TRIM69: variants seen among roughly 807,000 people sequenced by gnomAD.
The protein encoded by TRIM69 is tripartite motif containing 69.
TRIM69 carries 29 observed loss-of-function variants against 37.7 expected under a neutral mutation model. That is an observed-to-expected ratio of 0.77 (90% CI 0.57 to 1.05). TRIM69 has a LOEUF of 1.05. Ranked by LOEUF, TRIM69 falls within the 50% of genes least tolerant of loss-of-function variation. The pLI, the probability that TRIM69 is intolerant of heterozygous loss-of-function variation, is 0.00. For missense variants in TRIM69, 596 were observed against 579.9 expected, an observed-to-expected ratio of 1.03 and a Z score of -0.28; for synonymous variants, 209 against 212.4, an observed-to-expected ratio of 0.98 and a Z score of 0.14.
intron 1 of TRIM69, among the ~76,000 whole-genome samples, chr15:44,744,430 C>T (rs1373258911): frequency 6.6e-6 from 1 of 151,444 alleles, no homozygotes; most frequent in Non-Finnish European, 1.5e-5. Context: ...ACATTGTGCA[C>T]ATGTACCCTA....
intron 1 of TRIM69, 74 bp from the exon 2 acceptor site, chr15:44,754,826 A>C: frequency 4.0e-5 from 43 of 1,075,210 alleles, no homozygotes; most frequent in Non-Finnish European, 5.8e-5. Flanking sequence ...TCCTTTAGGA[A>C]TGGCGCCATC....
chr15:44,762,085 C>G (rs1433621613), intron 6 of TRIM69, among the ~76,000 whole-genome samples: 1 of 152,108 alleles, frequency 6.6e-6, no homozygotes, highest in Non-Finnish European at 1.5e-5. Context: ...CCTGCCTCAG[C>G]CTCCCAAATA....
chr15:44,751,467 G>A (rs992069343), intron 1 of TRIM69, among the ~76,000 whole-genome samples: 1 of 151,936 alleles, frequency 6.6e-6, no homozygotes, highest in African/African-American at 2.4e-5. Flanking sequence ...ATCTTACTGT[G>A]TTGCCCAGGC....
chr15:44,755,317 T>G lies in TRIM69; in HGVS notation c.424T>G (p.Leu142Val). The change falls in exon 2 of 7, where the codon TTG becomes GTG. Residue 142 changes from leucine to valine, a missense_variant. Physicochemically the swap from Leu to Val is conservative, Grantham distance 32. Transcript: ENST00000329464. ...LICFQCKDARLSVGQSKEFLQ... is the reference protein window; with the variant it reads ...LICFQCKDARVSVGQSKEFLQ... ...CTGCTTTCAATGCAAGGATGCTCGG[T>G]TGTCTGTGGGGCAGTCTAAGGAGTT... is the stretch of plus-strand genomic sequence containing the variant. 6.2e-7 allele frequency: 1 copy of G among 1,614,124 alleles called. No homozygotes were observed. Among genetic ancestry groups the G allele is most frequent in the South Asian group, 1.1e-5 (1 of 91,068 alleles).
intron 1 of TRIM69, among the ~76,000 whole-genome samples, chr15:44,742,027 T>G (rs967080845): frequency 5.9e-5 from 9 of 152,140 alleles, no homozygotes; most frequent in African/African-American, 1.9e-4. Flanking sequence ...GAGAGAATTT[T>G]AGACCAATAT....
intron 6 of TRIM69, among the ~76,000 whole-genome samples, chr15:44,764,644 A>G (rs2141150492): frequency 6.6e-6 from 1 of 152,382 alleles, no homozygotes; most frequent in East Asian, 1.9e-4. Flanking sequence ...ATGTGCTCCA[A>G]TAAAACTTTA....
chr15:44,752,961 A>G (rs913602674), intron 1 of TRIM69: 1 of 152,120 alleles, frequency 6.6e-6, no homozygotes, highest in South Asian at 2.1e-4. Flanking sequence ...TTATCTCTTT[A>G]TACATTGCAT....
intron 1 of TRIM69, among the ~76,000 whole-genome samples, chr15:44,744,580 G>T (rs1430165531): frequency 6.6e-6 from 1 of 152,038 alleles, no homozygotes; most frequent in Non-Finnish European, 1.5e-5. Context: ...AGCAACCAGG[G>T]AAATATTTAA....
At chr15:44,746,467 T>A (rs2087409695) in intron 1 of TRIM69, among the ~76,000 whole-genome samples, 1 of 152,212 alleles carries the variant, frequency 6.6e-6, no homozygotes, top group African/African-American at 2.4e-5. Context: ...ACTCTTCTTT[T>A]TTTTCTAAAG....
intron 1 of TRIM69, among the ~76,000 whole-genome samples, chr15:44,744,107 C>T: frequency 6.6e-6 from 1 of 151,560 alleles, no homozygotes; most frequent in Non-Finnish European, 1.5e-5. Context: ...ACATATACAC[C>T]ATGGAATACT....
At chr15:44,758,330 T>G (rs1019639929) in intron 3 of TRIM69, 1 of 469,374 alleles carries the variant, frequency 2.1e-6, no homozygotes, top group Non-Finnish European at 3.8e-6. Context: ...CTAGAATGTT[T>G]GACTAACTCC....
At chr15:44,739,805 A>G (rs2141305725) in intron 1 of TRIM69, among the ~76,000 whole-genome samples, 1 of 151,942 alleles carries the variant, frequency 6.6e-6, no homozygotes, top group Non-Finnish European at 1.5e-5. Flanking sequence ...GGGGCAGGGC[A>G]CAGACAAACA....
intron 6 of TRIM69, among the ~76,000 whole-genome samples, chr15:44,760,854 T>C (rs2087759029): frequency 6.6e-6 from 1 of 152,216 alleles, no homozygotes; most frequent in African/African-American, 2.4e-5. Context: ...CTTTTCTAAA[T>C]TTTTGTCTAA....
At chr15:44,747,202 T>A (rs921424310) in intron 1 of TRIM69, among the ~76,000 whole-genome samples, 16 of 152,124 alleles carry the variant, frequency 1.1e-4, no homozygotes, top group Admixed American at 8.5e-4. Context: ...AAAGGTGAAG[T>A]TGAACAAGGA....
rs1484431087 is a variant in TRIM69 at position 44,742,141 on chromosome 15, T to G, written c.6+5431T>G. Among the ~76,000 whole-genome samples, 419 of 151,142 alleles carry G rather than the reference T, an allele frequency of 2.8e-3. 3 individuals carry two copies. Among genetic ancestry groups the G allele is most frequent in the African/African-American group, 9.3e-3 (384 of 41,162 alleles). On this transcript the variant is annotated intron_variant, in intron 1 of 6. Coordinates refer to ENST00000329464, the MANE Select transcript of TRIM69 (RefSeq NM_182985.5). ...ACCATGATCAAGTGGGCTTCATCCC[T>G]GGGATGCAAGGCTGGTTCAATATAC...
chr15:44,760,623 T>C (rs1468674529), intron 6 of TRIM69, among the ~76,000 whole-genome samples: 2 of 152,126 alleles, frequency 1.3e-5, no homozygotes, highest in Non-Finnish European at 2.9e-5. Context: ...AAATCAACTA[T>C]ACTGAGATAT....
At chr15:44,752,761 C>A (rs2087562194) in intron 1 of TRIM69, among the ~76,000 whole-genome samples, 2 of 151,728 alleles carry the variant, frequency 1.3e-5, no homozygotes, top group South Asian at 4.2e-4. Context: ...CTTCTCTTTT[C>A]TTTTTCTTTA....
At chr15:44,737,689 G>T (rs1309416493) in intron 1 of TRIM69, among the ~76,000 whole-genome samples, 1 of 152,146 alleles carries the variant, frequency 6.6e-6, no homozygotes, top group Non-Finnish European at 1.5e-5. Flanking sequence ...CAAATGGCTT[G>T]ACTCGTGAAG....
At chr15:44,750,571 A>C (rs530802961) in intron 1 of TRIM69, among the ~76,000 whole-genome samples, 1 of 152,008 alleles carries the variant, frequency 6.6e-6, no homozygotes, top group South Asian at 2.1e-4. Context: ...TATTTCTGTA[A>C]GATCTGTACT....
Sources: allele counts gnomAD v4.1 joint callset (sites outside exome capture counted in the v4.1 genomes callset), GRCh38; gene constraint gnomAD v4.1.1; transcripts MANE v1.5; gene names NCBI Gene and HGNC (gene_info 2026-07-23, HGNC 2026-07-21).